Variants in TNFSF4 observed in about 807,000 individuals in gnomAD.
TNFSF4 encodes the protein TNF superfamily member 4, also known as tumor necrosis factor ligand superfamily member 4.
Under a neutral mutation model 7.3 loss-of-function variants are expected in TNFSF4, and 4 were observed. That is an observed-to-expected ratio of 0.55 (90% confidence interval 0.27 to 1.25). The LOEUF (loss-of-function observed/expected upper bound fraction) is 1.25. TNFSF4 is among the 50% of genes most tolerant of loss of function. The probability of loss-of-function intolerance (pLI) is 0.12; values close to 1 mark genes in which losing one functional copy is unlikely to be tolerated. For missense variants in TNFSF4, 181 were observed against 208.8 expected (o/e 0.87, Z 0.82); for synonymous variants, 76 against 83.7 (o/e 0.91, Z 0.50).
the TNFSF4 span, among the ~76,000 whole-genome samples, chr1:173,354,779 T>C: frequency 0.21 from 31,321 of 152,078 alleles, 3,512 homozygotes; most frequent in Non-Finnish European, 0.26. Context: ...TTTAAAAAGG[T>C]TACCCTCCCT....
the TNFSF4 span, among the ~76,000 whole-genome samples, chr1:173,381,021 T>A: frequency 6.6e-6 from 1 of 152,168 alleles, no homozygotes; most frequent in Non-Finnish European, 1.5e-5. Flanking sequence ...AAAGCTCAAG[T>A]CTGTCAGCGC....
At chr1:173,367,861 A>T in the TNFSF4 span, among the ~76,000 whole-genome samples, 17 of 152,178 alleles carry the variant, frequency 1.1e-4, no homozygotes, top group Non-Finnish European at 2.2e-4. Flanking sequence ...AGCATTTCAT[A>T]CTGAGAGGTG....
chr1:173,328,360 C>T, the TNFSF4 span, among the ~76,000 whole-genome samples: 1 of 76,520 alleles, frequency 1.3e-5, no homozygotes, highest in Non-Finnish European at 2.5e-5. Context: ...GTTGTGGGGT[C>T]GGGGGAGGGG....
intron 1 of TNFSF4, among the ~76,000 whole-genome samples, chr1:173,196,248 C>G (rs1243119125): frequency 2.0e-5 from 3 of 152,110 alleles, no homozygotes; most frequent in Non-Finnish European, 4.4e-5. Context: ...TTCTCATATT[C>G]AGAAAGACTT....
chr1:173,328,576 A>C, the TNFSF4 span, among the ~76,000 whole-genome samples: 312 of 151,994 alleles, frequency 2.1e-3, 11 homozygotes, highest in East Asian at 0.055. Flanking sequence ...CCAAAAAAAA[A>C]ACCCTAGATG....
chr1:173,355,983 G>A, the TNFSF4 span, among the ~76,000 whole-genome samples: 1 of 152,224 alleles, frequency 6.6e-6, no homozygotes, highest in Non-Finnish European at 1.5e-5. Context: ...ATTGATCTAT[G>A]ACCACTATGC....
chr1:173,391,833 G>A, the TNFSF4 span, among the ~76,000 whole-genome samples: 2 of 152,080 alleles, frequency 1.3e-5, no homozygotes, highest in African/African-American at 2.4e-5. Flanking sequence ...GAGCCTTCAA[G>A]GACAAAATTG....
At chr1:173,443,490 A>G in the TNFSF4 span, among the ~76,000 whole-genome samples, 1 of 152,218 alleles carries the variant, frequency 6.6e-6, no homozygotes, top group Non-Finnish European at 1.5e-5. Context: ...GATTTTCAAG[A>G]TATATTATTA....
chr1:173,202,001 A>G (rs1278705020), intron 1 of TNFSF4, among the ~76,000 whole-genome samples: 1 of 151,990 alleles, frequency 6.6e-6, no homozygotes, highest in Non-Finnish European at 1.5e-5. Context: ...TGAATGGAGA[A>G]TCCCTGAAGT....
intron 1 of TNFSF4, among the ~76,000 whole-genome samples, chr1:173,198,527 T>C (rs780828739): frequency 6.6e-6 from 1 of 152,068 alleles, no homozygotes; most frequent in Non-Finnish European, 1.5e-5. Context: ...ATTCCTGTAC[T>C]AGAATGGCGT....
chr1:173,366,017 C>T, the TNFSF4 span, among the ~76,000 whole-genome samples: 1 of 152,138 alleles, frequency 6.6e-6, no homozygotes, highest in Non-Finnish European at 1.5e-5. Flanking sequence ...AACCCTCATA[C>T]ACTGTTGGTG....
the TNFSF4 span, among the ~76,000 whole-genome samples, chr1:173,329,719 C>T: frequency 1.3e-5 from 2 of 151,706 alleles, no homozygotes; most frequent in South Asian, 2.1e-4. Flanking sequence ...AATATTAGGC[C>T]GTAGGATAGG....
the TNFSF4 span, among the ~76,000 whole-genome samples, chr1:173,320,877 C>T: frequency 1.9e-4 from 29 of 152,072 alleles, no homozygotes; most frequent in Non-Finnish European, 3.5e-4. Flanking sequence ...AGGAAGAATC[C>T]GTATTGTGAA....
At chr1:173,380,482 G>A in the TNFSF4 span, among the ~76,000 whole-genome samples, 4 of 151,998 alleles carry the variant, frequency 2.6e-5, no homozygotes, top group Admixed American at 1.3e-4. Context: ...TGAGTCACCC[G>A]AACAGCTCCA....
the TNFSF4 span, among the ~76,000 whole-genome samples, chr1:173,260,352 G>T: frequency 6.6e-6 from 1 of 152,084 alleles, no homozygotes; most frequent in Admixed American, 6.5e-5. Flanking sequence ...CACCAAATAT[G>T]GAAAGGAAAA....
At chr1:173,370,771 G>C in the TNFSF4 span, among the ~76,000 whole-genome samples, 2 of 150,920 alleles carry the variant, frequency 1.3e-5, no homozygotes, top group Admixed American at 6.6e-5. Context: ...AAAAGGAAAA[G>C]TGAGATCAGA....
chr1:173,412,348 T>C, the TNFSF4 span, among the ~76,000 whole-genome samples: 3 of 152,190 alleles, frequency 2.0e-5, no homozygotes, highest in Non-Finnish European at 4.4e-5. Context: ...CAATCTCAAA[T>C]GCAACAAAAA....
the TNFSF4 span, among the ~76,000 whole-genome samples, chr1:173,263,251 T>A: frequency 6.6e-6 from 1 of 152,128 alleles, no homozygotes; most frequent in Non-Finnish European, 1.5e-5. Context: ...TAAACTACCA[T>A]TGACATTCTT....
the TNFSF4 span, among the ~76,000 whole-genome samples, chr1:173,323,750 G>A: frequency 6.6e-6 from 1 of 152,174 alleles, no homozygotes; most frequent in South Asian, 2.1e-4. Flanking sequence ...TCAACTGGAA[G>A]AAAGGGTACC....
Sources: gnomAD v4.1 joint callset for allele counts (sites outside exome capture counted in the v4.1 genomes callset) on GRCh38, gnomAD v4.1.1 for gene constraint, MANE v1.5 for transcripts, NCBI Gene and HGNC (gene_info 2026-07-23, HGNC 2026-07-21) for gene names.